E2F4: variants seen among roughly 807,000 people sequenced by gnomAD.
The protein encoded by E2F4 is E2F transcription factor 4.
E2F4 carries 16 observed loss-of-function variants against 44.5 expected under a neutral mutation model. The ratio of observed to expected loss-of-function variants is 0.36; its 90% CI spans 0.24 to 0.55. E2F4 has a LOEUF of 0.55. E2F4 is among the 20% of genes least tolerant of loss of function. The pLI, the probability that E2F4 is intolerant of heterozygous loss-of-function variation, is 0.87. For synonymous variants in E2F4, 242 were observed against 207.2 expected (o/e 1.17, Z -1.44); for missense variants, 473 against 522.1 (o/e 0.91, Z 0.92).
intron 7 of E2F4, among the ~76,000 whole-genome samples, chr16:67,196,755 C>T (rs996859766): frequency 6.6e-6 from 1 of 152,154 alleles, no homozygotes; most frequent in African/African-American, 2.4e-5. Flanking sequence ...AGTTTCCTCC[C>T]GAAGCTTGCT....
intron 1 of E2F4, 61 bp from the exon 2 acceptor site, chr16:67,192,700 C>A: frequency 6.7e-7 from 1 of 1,482,642 alleles, no homozygotes; most frequent in South Asian, 1.2e-5. Context: ...CAGACCACGT[C>A]TCAGGGTGGC....
At chr16:67,195,336 T>G (rs2032950357) in intron 6 of E2F4, among the ~76,000 whole-genome samples, 1 of 152,170 alleles carries the variant, frequency 6.6e-6, no homozygotes, top group Non-Finnish European at 1.5e-5. Context: ...TTCACCATGT[T>G]GGCCAGGCTG....
intron 3 of E2F4, 61 bp from the exon 4 acceptor site, chr16:67,193,411 C>T (rs759689997): frequency 1.4e-5 from 23 of 1,604,466 alleles, no homozygotes; most frequent in Middle Eastern, 1.7e-4. Flanking sequence ...AGAATTGGGT[C>T]TTTTCTGTAG....
intron 4 of E2F4, chr16:67,194,189 T>C: frequency 1.8e-6 from 1 of 568,656 alleles, no homozygotes; most frequent in South Asian, 2.3e-5. Context: ...TCACTCCACA[T>C]AATTGAACCC....
In E2F4 at chr16:67,197,658, C is replaced by G; in HGVS notation, c.1081+12C>G. The G allele has an allele frequency of 1.2e-6, 2 of 1,614,112 alleles. No individual in the cohort carries two copies. Among genetic ancestry groups the G allele is most frequent in the Non-Finnish European group, 1.7e-6 (2 of 1,179,968 alleles). On this transcript the variant is annotated intron_variant, in intron 8 of 9. Coordinates refer to ENST00000379378, the MANE Select transcript of E2F4 (RefSeq NM_001950.4). The stretch of plus-strand genomic sequence containing the variant: ...TGATCCCACACGAGGTAGGCTGCTG[C>G]ATTCCTCCCTGAGGCTAGGGGTAAG...
At chr16:67,194,589 G>A (rs1348943095) in intron 5 of E2F4, 97 bp from the exon 6 acceptor site, 13 of 1,567,454 alleles carry the variant, frequency 8.3e-6, no homozygotes, top group South Asian at 2.3e-5. Context: ...GGGCATCCTG[G>A]GTGGGAGAGG....
At position 67,194,931 on chromosome 16, in the gene E2F4, T is replaced by C; in HGVS notation, c.759T>C (p.Pro253=). The change falls in exon 6 of 10, where the codon CCT becomes CCC. Residue 253 remains proline (P), a synonymous_variant. Coordinates refer to ENST00000379378, the MANE Select transcript of E2F4 (RefSeq NM_001950.4). ...CTCAGCTCACTCCCACTGCTGTCCC[T>C]GGCAGTGCAGAAGTCCAGGGAATGG... The part of the protein sequence containing the change: ...NSPQLTPTAV[P]GSAEVQGMAG... The C allele has an allele frequency of 1.2e-6, 2 of 1,614,122 alleles. No homozygotes were observed. The highest frequency in any genetic ancestry group is 1.7e-6 in the Non-Finnish European group (2 of 1,180,000).
At chr16:67,194,548 A>G in intron 5 of E2F4, 89 bp downstream of exon 5, 1 of 1,577,834 alleles carries the variant, frequency 6.3e-7, no homozygotes. Context: ...AAGTAGGGGG[A>G]GGCCTGGAGT....
At position 67,198,172 on chromosome 16, in the gene E2F4, G is replaced by A. The variant is rs774063697; in HGVS notation, c.*49G>A. 6.4e-7 allele frequency: 1 copy of A among 1,552,070 alleles called. No individual in the cohort carries two copies. Among genetic ancestry groups the A allele is most frequent in the Non-Finnish European group, 8.9e-7 (1 of 1,128,828 alleles). On this transcript the variant is annotated 3_prime_UTR_variant, in exon 10 of 10. Transcript: ENST00000379378. ...GCTGGGACCCAGACTGTCTGACCTGGGGGTTGCCTGGGGACCTCTCCCACC... is the reference window on the plus strand; with the variant it reads ...GCTGGGACCCAGACTGTCTGACCTGAGGGTTGCCTGGGGACCTCTCCCACC...
At chr16:67,195,083 G>T in intron 6 of E2F4, 103 bp downstream of exon 6, 1 of 1,426,466 alleles carries the variant, frequency 7.0e-7, no homozygotes. Context: ...GTTGGGGATT[G>T]TCCTTTTCCT....
chr16:67,196,461 C>T (rs892398375), intron 7 of E2F4, among the ~76,000 whole-genome samples: 4 of 152,202 alleles, frequency 2.6e-5, no homozygotes, highest in African/African-American at 7.2e-5. Flanking sequence ...CTGGTGCTCT[C>T]TTGGTCTGTG....
chr16:67,196,073 CAG>C, intron 7 of E2F4, 67 bp downstream of exon 7: 1 of 1,600,166 alleles, frequency 6.2e-7, no homozygotes, highest in Admixed American at 1.7e-5. Flanking sequence ...GGTCAGAAAA[CAG>C]AATTGGGGAT....
In E2F4 at chr16:67,194,676, C is replaced by T. The variant is rs767282443; in HGVS notation, c.514-10C>T. 2 of 1,606,778 alleles carry T rather than the reference C, an allele frequency of 1.2e-6. No homozygotes were observed. Among genetic ancestry groups the T allele is most frequent in the South Asian group, 2.2e-5 (2 of 90,938 alleles). On this transcript the variant is annotated splice_polypyrimidine_tract_variant and intron_variant, in intron 5 of 9. Coordinates refer to ENST00000379378, the MANE Select transcript of E2F4 (RefSeq NM_001950.4). Reference sequence around the variant, plus strand: ...CTACCCATCTCCCATCCCTTACCACCCATCTCTAGGGTCTCAATGGGCAGA... The same window carrying T: ...CTACCCATCTCCCATCCCTTACCACTCATCTCTAGGGTCTCAATGGGCAGA...
intron 6 of E2F4, 46 bp from the exon 7 acceptor site, chr16:67,195,736 C>T (rs1309469209): frequency 2.5e-6 from 4 of 1,609,552 alleles, no homozygotes; most frequent in South Asian, 1.1e-5. Context: ...GTTTCAACGA[C>T]CTCTTCCTGA....
Position 67,195,804 on chromosome 16 carries a change from T to C in E2F4, c.831T>C (p.Asp277=). 6.2e-7 allele frequency: 1 copy of C among 1,614,006 alleles called. No homozygotes were observed. Among genetic ancestry groups the C allele is most frequent in the Non-Finnish European group, 8.5e-7 (1 of 1,179,986 alleles). Residue 277 remains aspartate, a synonymous_variant, in exon 7 of 10, where the codon GAT becomes GAC. Transcript: ENST00000379378. ...TAGTGAGTGGCGGCCCTGGGACTGA[T>C]AGCAAGGACAGTGGTGAGCTCAGTT... ...EITVSGGPGT[D]SKDSGELSSL...
In E2F4 at chr16:67,197,663, C is replaced by G; in HGVS notation, c.1081+17C>G. ...CCACACGAGGTAGGCTGCTGCATTC[C>G]TCCCTGAGGCTAGGGGTAAGGGACA... is the stretch of plus-strand genomic sequence containing the variant. On this transcript the variant is annotated intron_variant, in intron 8 of 9. Coordinates refer to ENST00000379378, the MANE Select transcript of E2F4 (RefSeq NM_001950.4). The G allele has an allele frequency of 6.2e-7, 1 of 1,613,968 alleles. No individual in the cohort carries two copies. The highest frequency in any genetic ancestry group is 8.5e-7 in the Non-Finnish European group (1 of 1,179,908).
Position 67,194,953 on chromosome 16 carries a change from A to G in E2F4, c.781A>G (p.Met261Val). The G allele has an allele frequency of 1.2e-6, 2 of 1,613,844 alleles. No individual in the cohort carries two copies. Among genetic ancestry groups the G allele is most frequent in the Middle Eastern group, 1.6e-4 (1 of 6,062 alleles). Residue 261 changes from methionine (M) to valine (V), a missense_variant, in exon 6 of 10, where the codon ATG becomes GTG. Around this residue, in one of 3 missense-constraint regions of E2F4, gnomAD observed 314 missense variants for 315.6 expected, o/e 0.99. Coordinates refer to ENST00000379378, the MANE Select transcript of E2F4 (RefSeq NM_001950.4). ...AVPGSAEVQG[M>V]AGPAAEITVS... ...CCCTGGCAGTGCAGAAGTCCAGGGAATGGCTGGCCCAGCAGCTGAGATCAC... is the reference window on the plus strand; with the variant it reads ...CCCTGGCAGTGCAGAAGTCCAGGGAGTGGCTGGCCCAGCAGCTGAGATCAC...
In E2F4 at chr16:67,192,379, G is replaced by T; in HGVS notation, c.135+17G>T. 1 of 1,422,834 alleles carries T rather than the reference G, an allele frequency of 7.0e-7. No individual in the cohort carries two copies. 88.1% of individuals were successfully genotyped at this position (1,422,834 alleles called of 1,614,324 possible). A position where few individuals can be genotyped will look rare whatever the true frequency, so the allele number is the denominator to read the frequency against. The stretch of plus-strand genomic sequence containing the variant: ...CTCAAGCTGGTGCGGCCTGGGCTAA[G>T]GGGAGACAAGGGAGGCTGGTGGACC... On this transcript the variant is annotated intron_variant, in intron 1 of 9. Coordinates refer to ENST00000379378, the MANE Select transcript of E2F4 (RefSeq NM_001950.4).
chr16:67,194,294 T>A, intron 4 of E2F4, 104 bp from the exon 5 acceptor site: 1 of 1,274,936 alleles, frequency 7.8e-7, no homozygotes, highest in Non-Finnish European at 1.1e-6. Context: ...ACTGTCTAGT[T>A]CCTCAGGGAC....
Sources: gnomAD v4.1 joint callset for allele counts (sites outside exome capture counted in the v4.1 genomes callset) on GRCh38, gnomAD v4.1.1 for gene constraint, gnomAD v4.1.1 regional missense constraint, MANE v1.5 for transcripts, NCBI Gene and HGNC (gene_info 2026-07-23, HGNC 2026-07-21) for gene names.